TMPRSS15: variants seen among roughly 807,000 people sequenced by gnomAD.
TMPRSS15 encodes transmembrane serine protease 15.
TMPRSS15 carries 128 observed loss-of-function variants against 125.3 expected under a neutral mutation model. The observed-to-expected ratio is 1.02, with a 90% CI of 0.89 to 1.18. The LOEUF (loss-of-function observed/expected upper bound fraction) is 1.18. TMPRSS15 is among the 50% of genes most tolerant of loss of function. TMPRSS15 has a pLI of 0.00. For synonymous variants in TMPRSS15, 446 were observed against 423.2 expected, an observed-to-expected ratio of 1.05 and a Z score of -0.66; for missense variants, 1,283 against 1,212.7, an observed-to-expected ratio of 1.06 and a Z score of -0.86.
intron 14 of TMPRSS15, 111 bp downstream of exon 14, chr21:18,331,973 G>T: frequency 1.2e-6 from 1 of 848,398 alleles, no homozygotes. Context: ...AGGTAGACAT[G>T]ATAGGCGTAC....
chr21:18,463,830 A>G (rs1978600530), intron 1 of TMPRSS15, among the ~76,000 whole-genome samples: 1 of 152,116 alleles, frequency 6.6e-6, no homozygotes, highest in African/African-American at 2.4e-5. Flanking sequence ...AAAACTGAAC[A>G]ACCTGCTCCT....
chr21:18,396,367 C>G (rs2076035898), intron 3 of TMPRSS15, among the ~76,000 whole-genome samples: 1 of 152,122 alleles, frequency 6.6e-6, no homozygotes. Flanking sequence ...TTCCCCAACA[C>G]CTACTAGCTG....
intron 17 of TMPRSS15, among the ~76,000 whole-genome samples, chr21:18,314,123 CT>C (rs5842680): frequency 0.52 from 79,596 of 151,688 alleles, 21,517 homozygotes; most frequent in East Asian, 0.87. Context: ...CATTGTTTAC[CT>C]TTTTTTTCCT....
chr21:18,359,869 T>C lies in TMPRSS15; in HGVS notation c.774-6A>G. 7 of 1,383,864 alleles carry C rather than the reference T, an allele frequency of 5.1e-6. No individual in the cohort carries two copies. The highest frequency in any genetic ancestry group is 7.2e-6 in the Non-Finnish European group (7 of 973,352). The allele number at this position is 1,383,864 out of a possible 1,614,324, so 85.7% of individuals were successfully genotyped here. A position where few individuals can be genotyped will look rare whatever the true frequency, so the allele number is the denominator to read the frequency against. ...TGGAAAGTCCTTGGTTTACACTAAATTAAAAGCAAAAAATAGATTACCAAA... is the reference window on the plus strand; with the variant it reads ...TGGAAAGTCCTTGGTTTACACTAAACTAAAAGCAAAAAATAGATTACCAAA... On this transcript the variant is annotated splice_region_variant and splice_polypyrimidine_tract_variant and intron_variant, in intron 7 of 24. Coordinates refer to ENST00000284885, the MANE Select transcript of TMPRSS15 (RefSeq NM_002772.3).
chr21:18,465,880 T>C (rs1448849368), intron 1 of TMPRSS15, among the ~76,000 whole-genome samples: 1 of 152,068 alleles, frequency 6.6e-6, no homozygotes, highest in Non-Finnish European at 1.5e-5. Context: ...CAAGACACCC[T>C]TCACTTTCTT....
In TMPRSS15 at chr21:18,397,866, G is replaced by T; in HGVS notation, c.344+13C>A. 2 of 1,481,482 alleles carry T rather than the reference G, an allele frequency of 1.3e-6. No homozygotes were observed. Among genetic ancestry groups the T allele is most frequent in the Non-Finnish European group, 1.8e-6 (2 of 1,083,626 alleles). The allele number at this position is 1,481,482 out of a possible 1,614,324, so 91.8% of individuals were successfully genotyped here. ...AATTTTCCATCAGTAGAAAATTTTT[G>T]AGCTATACTCACTCAAATTGTAAAA... On this transcript the variant is annotated intron_variant, in intron 3 of 24. Transcript: ENST00000284885.
chr21:18,333,065 G>A (rs1177529512), intron 13 of TMPRSS15, among the ~76,000 whole-genome samples: 1 of 152,098 alleles, frequency 6.6e-6, no homozygotes, highest in African/African-American at 2.4e-5. Context: ...GACACACAGA[G>A]GGAAACAACA....
At chr21:18,275,778 G>A (rs903793195) in intron 23 of TMPRSS15, among the ~76,000 whole-genome samples, 11 of 152,206 alleles carry the variant, frequency 7.2e-5, no homozygotes, top group African/African-American at 2.4e-4. Flanking sequence ...GTGGTGCTAT[G>A]TGAGTGAGCA....
At position 18,413,565 on chromosome 21, in the gene TMPRSS15, C is replaced by T. The variant is rs573376830; in HGVS notation, c.11-15236G>A. On this transcript the variant is annotated intron_variant, in intron 1 of 7. Transcript: ENST00000422787. ...CCGAGTAGCTGGGATTACAGGCGCCCGCCACCACACCTGGCTAACTTTTTT... is the reference window on the plus strand; with the variant it reads ...CCGAGTAGCTGGGATTACAGGCGCCTGCCACCACACCTGGCTAACTTTTTT... 2.2e-3 allele frequency among the ~76,000 whole-genome samples: 334 copies of T among 149,038 alleles called. 1 individual carries two copies. The highest frequency in any genetic ancestry group is 7.7e-3 in the African/African-American group (310 of 40,460).
intron 18 of TMPRSS15, among the ~76,000 whole-genome samples, chr21:18,299,785 G>A (rs1458867642): frequency 6.6e-6 from 1 of 152,142 alleles, no homozygotes; most frequent in African/African-American, 2.4e-5. Flanking sequence ...AGAGAACATA[G>A]GTCCAAAGGC....
At chr21:18,329,599 T>A (rs1014614281) in intron 14 of TMPRSS15, among the ~76,000 whole-genome samples, 3 of 151,522 alleles carry the variant, frequency 2.0e-5, no homozygotes, top group Non-Finnish European at 3.0e-5. Flanking sequence ...CTCTACAATA[T>A]AACATTTATG....
chr21:18,387,893 T>C (rs1457164188), intron 3 of TMPRSS15, among the ~76,000 whole-genome samples: 1 of 152,158 alleles, frequency 6.6e-6, no homozygotes, highest in East Asian at 1.9e-4. Flanking sequence ...GTTATTTCTG[T>C]TTCTGATTTT....
intron 1 of TMPRSS15, among the ~76,000 whole-genome samples, chr21:18,430,398 C>T (rs1431994176): frequency 6.6e-6 from 1 of 151,978 alleles, no homozygotes; most frequent in Admixed American, 6.6e-5. Context: ...GATCTAGTTA[C>T]TTATTTTGGC....
chr21:18,321,478 C>A (rs1462642790), intron 16 of TMPRSS15, among the ~76,000 whole-genome samples: 1 of 151,188 alleles, frequency 6.6e-6, no homozygotes, highest in Non-Finnish European at 1.5e-5. Context: ...TCAGCCTTCC[C>A]AGTAGCTGGG....
intron 3 of TMPRSS15, among the ~76,000 whole-genome samples, chr21:18,391,069 C>G (rs971587116): frequency 2.0e-5 from 3 of 152,152 alleles, no homozygotes; most frequent in African/African-American, 7.2e-5. Flanking sequence ...TCACCTCACA[C>G]CAGGTACCTC....
In TMPRSS15 at chr21:18,305,261, T is replaced by C. The variant is rs950342040; in HGVS notation, c.2166-7432A>G. ...TGGAGTGCAGTGGCGCGATCTCGGCTCACTGCAAGCTCCGCCTCCCGGGTT... is the reference window on the plus strand; with the variant it reads ...TGGAGTGCAGTGGCGCGATCTCGGCCCACTGCAAGCTCCGCCTCCCGGGTT... On this transcript the variant is annotated intron_variant, in intron 18 of 24. Transcript: ENST00000284885. 5.7e-5 allele frequency among the ~76,000 whole-genome samples: 8 copies of C among 141,122 alleles called. No homozygotes were observed. The East Asian group carries it at 1.3e-3, about 23-fold the overall frequency. The allele number at this position is 141,122 out of a possible 152,430, so 92.6% of individuals were successfully genotyped here. A position where few individuals can be genotyped will look rare whatever the true frequency, so the allele number is the denominator to read the frequency against.
intron 1 of TMPRSS15, among the ~76,000 whole-genome samples, chr21:18,439,991 A>G (rs985125916): frequency 2.6e-5 from 4 of 152,216 alleles, no homozygotes; most frequent in African/African-American, 9.6e-5. Context: ...TTTTATAATT[A>G]CACAGTACCA....
intron 23 of TMPRSS15, among the ~76,000 whole-genome samples, chr21:18,276,781 C>T (rs1163544390): frequency 3.2e-5 from 4 of 125,940 alleles, no homozygotes; most frequent in African/African-American, 1.2e-4. Flanking sequence ...TTTTTTGAGA[C>T]GAAGCCTAGC....
chr21:18,415,028 T>G (rs942442969), intron 1 of TMPRSS15, among the ~76,000 whole-genome samples: 2 of 150,742 alleles, frequency 1.3e-5, no homozygotes, highest in Non-Finnish European at 3.0e-5. Flanking sequence ...CCCTTATCTG[T>G]TTTTTTTTGA....
Sources: allele counts gnomAD v4.1 joint callset (sites outside exome capture counted in the v4.1 genomes callset), GRCh38; gene constraint gnomAD v4.1.1; transcripts MANE v1.5; gene names NCBI Gene and HGNC (gene_info 2026-07-23, HGNC 2026-07-21).